Variants in PIEZO2 observed in about 807,000 individuals in gnomAD.
PIEZO2 encodes piezo-type mechanosensitive ion channel component 2.
A neutral mutation model predicts 337.3 loss-of-function variants in PIEZO2; 172 were observed. The ratio of observed to expected loss-of-function variants is 0.51; its 90% CI spans 0.45 to 0.58. The LOEUF (loss-of-function observed/expected upper bound fraction) is 0.58. PIEZO2 is among the 20% of genes least tolerant of loss of function. The pLI is 0.00. For missense variants in PIEZO2, 3,028 were observed against 3,391.3 expected, an observed-to-expected ratio of 0.89 and a Z score of 2.66; for synonymous variants, 1,251 against 1,228.5, an observed-to-expected ratio of 1.02 and a Z score of -0.38.
chr18:10,915,252 G>T (rs1297390861), intron 3 of PIEZO2, among the ~76,000 whole-genome samples: 1 of 136,714 alleles, frequency 7.3e-6, no homozygotes, highest in Non-Finnish European at 1.6e-5. Context: ...CACGTGTGCA[G>T]AGGGAAGCAG....
chr18:11,022,745 T>C (rs1452960914), intron 2 of PIEZO2, among the ~76,000 whole-genome samples: 1 of 152,208 alleles, frequency 6.6e-6, no homozygotes, highest in Non-Finnish European at 1.5e-5. Context: ...TACTATGACC[T>C]TACATGTGCA....
chr18:10,688,310 TCCA>T (rs1289823665), intron 49 of PIEZO2, among the ~76,000 whole-genome samples: 1 of 152,206 alleles, frequency 6.6e-6, no homozygotes, highest in Non-Finnish European at 1.5e-5. Flanking sequence ...TCCACCTTCA[TCCA>T]TGTATCTGCA....
Position 11,048,082 on chromosome 18 carries a change from G to A in PIEZO2, c.160+18045C>T, listed in dbSNP as rs2037383497. 6.6e-6 allele frequency among the ~76,000 whole-genome samples: 1 copy of A among 152,156 alleles called. No individual in the cohort carries two copies. ...CTGGGTGTAGACAGTCAAGAGCACAGCGGCAGCCACTGCCACCAACAGCAT... is the reference window on the plus strand; with the variant it reads ...CTGGGTGTAGACAGTCAAGAGCACAACGGCAGCCACTGCCACCAACAGCAT... On this transcript the variant is annotated intron_variant, in intron 2 of 55. Transcript: ENST00000674853. This position sits in a 1 kb window ranked among gnomAD's most constrained non-coding sequence, Gnocchi z 4.5.
At chr18:11,117,605 T>A (rs1368304599) in intron 1 of PIEZO2, among the ~76,000 whole-genome samples, 3 of 152,236 alleles carry the variant, frequency 2.0e-5, no homozygotes, top group Non-Finnish European at 2.9e-5. Context: ...CCTACATCAG[T>A]AAATCCTAGT....
intron 3 of PIEZO2, among the ~76,000 whole-genome samples, chr18:10,975,100 T>C (rs1003184812): frequency 2.0e-5 from 3 of 152,198 alleles, no homozygotes; most frequent in African/African-American, 7.2e-5. Flanking sequence ...AGGAATAGAA[T>C]AATCCCTAGG....
intron 1 of PIEZO2, among the ~76,000 whole-genome samples, chr18:11,130,938 C>T (rs1160619969): frequency 1.3e-5 from 2 of 152,230 alleles, no homozygotes; most frequent in Non-Finnish European, 1.5e-5. Context: ...TGCTCTGCCA[C>T]ATGGACCATA....
chr18:10,713,008 A>G lies in PIEZO2; in HGVS notation c.5423+1756T>C, dbSNP rs1162217316. ...AAAGAAAAATATAGTCTCTTTTATT[A>G]TCCCTCAAAAGACTTTAAAAGAATC... On this transcript the variant is annotated intron_variant, in intron 39 of 55. Coordinates refer to ENST00000674853, the MANE Select transcript of PIEZO2 (RefSeq NM_001378183.1). This position sits in a 1 kb window ranked among gnomAD's most constrained non-coding sequence, Gnocchi z 4.5. Among the ~76,000 whole-genome samples the G allele has an allele frequency of 1.3e-5, 2 of 152,208 alleles. No homozygotes were observed. The highest frequency in any genetic ancestry group is 3.2e-3 in the Middle Eastern group (1 of 316).
intron 35 of PIEZO2, among the ~76,000 whole-genome samples, chr18:10,734,814 C>T (rs7232834): frequency 0.33 from 49,374 of 151,890 alleles, 8,821 homozygotes; most frequent in East Asian, 0.53. Context: ...GAATGAGAGA[C>T]GGAGTAAAAG....
chr18:10,995,196 T>C (rs941208750), intron 2 of PIEZO2, among the ~76,000 whole-genome samples: 1 of 152,032 alleles, frequency 6.6e-6, no homozygotes, highest in African/African-American at 2.4e-5. Context: ...TATCAAATTG[T>C]GATTTTGATT....
In PIEZO2 at chr18:10,878,761, C is replaced by G. The variant is rs2042332770; in HGVS notation, c.330-7346G>C. Among the ~76,000 whole-genome samples, 1 of 149,210 alleles carries G rather than the reference C, an allele frequency of 6.7e-6. No homozygotes were observed. The highest frequency in any genetic ancestry group is 6.6e-5 in the Admixed American group (1 of 15,076). ...TCAGAAACACAGGGTAAGGTCAGACCATACAAAGCTTGGATGTTTTGAAAA... is the reference window on the plus strand; with the variant it reads ...TCAGAAACACAGGGTAAGGTCAGACGATACAAAGCTTGGATGTTTTGAAAA... On this transcript the variant is annotated intron_variant, in intron 4 of 55. Transcript: ENST00000674853. This position sits in a 1 kb window ranked among gnomAD's most constrained non-coding sequence, Gnocchi z 4.3.
chr18:10,906,206 C>A (rs1198076713), intron 4 of PIEZO2, among the ~76,000 whole-genome samples: 2 of 152,080 alleles, frequency 1.3e-5, no homozygotes, highest in Admixed American at 6.6e-5. Context: ...TTAAAATGTT[C>A]TTTGAAGGAG....
At chr18:11,136,696 C>T (rs2040498766) in intron 1 of PIEZO2, among the ~76,000 whole-genome samples, 2 of 152,196 alleles carry the variant, frequency 1.3e-5, no homozygotes, top group Admixed American at 1.3e-4. Flanking sequence ...ACCCCCACAG[C>T]TAATGCTGGA....
intron 4 of PIEZO2, among the ~76,000 whole-genome samples, chr18:10,885,899 G>A (rs2042566326): frequency 6.6e-6 from 1 of 151,980 alleles, no homozygotes; most frequent in Non-Finnish European, 1.5e-5. Flanking sequence ...CTGTGGGCGT[G>A]GATTAAAAAT....
At chr18:11,007,542 G>GA (rs1286317922) in intron 2 of PIEZO2, among the ~76,000 whole-genome samples, 7 of 151,932 alleles carry the variant, frequency 4.6e-5, no homozygotes, top group South Asian at 2.1e-4. Context: ...TAAGCACAAA[G>GA]AAAAAAATCA....
At position 10,871,306 on chromosome 18, in the gene PIEZO2, G is replaced by T. The variant is rs1285330647; in HGVS notation, c.439C>A (p.Pro147Thr). The change falls in exon 5 of 56, where the codon CCT becomes ACT. Residue 147 changes from proline (P) to threonine (T), a missense_variant. Physicochemically the swap from Pro to Thr is conservative, Grantham distance 38 (BLOSUM62 -1). Transcript: ENST00000674853. ...CTCTGTGCTGCTTCGTCTGTCACAG[G>T]TTTCTGAACAATGTTTCTACAGAGG... ...WLLCRNIVQK[P>T]VTDEAAQSNP... 2.9e-5 allele frequency: 44 copies of T among 1,537,060 alleles called. No individual in the cohort carries two copies. The highest frequency in any genetic ancestry group is 1.7e-4 in the Middle Eastern group (1 of 6,010).
At position 10,795,314 on chromosome 18, in the gene PIEZO2, ATATTT is replaced by A. The variant is rs1555648360; in HGVS notation, c.1528-317_1528-313del. On this transcript the variant is annotated intron_variant, in intron 12 of 55. Coordinates refer to ENST00000674853, the MANE Select transcript of PIEZO2 (RefSeq NM_001378183.1). This position sits in a 1 kb window ranked among gnomAD's most constrained non-coding sequence, Gnocchi z 4.4. ...GTTAAGTAGCAAAATGTGTATTCAA[ATATTT>A]TATTTTATTTTATTTTATTTTATTT... Among the ~76,000 whole-genome samples the A allele has an allele frequency of 1.2e-3, 106 of 88,506 alleles. 3 individuals are homozygous for A. Among genetic ancestry groups the A allele is most frequent in the South Asian group, 7.1e-3 (19 of 2,672 alleles). The allele number at this position is 88,506 out of a possible 152,430, so 58.1% of individuals were successfully genotyped here.
At chr18:10,957,059 A>T (rs2033567867) in intron 3 of PIEZO2, among the ~76,000 whole-genome samples, 1 of 152,022 alleles carries the variant, frequency 6.6e-6, no homozygotes, top group African/African-American at 2.4e-5. Flanking sequence ...GATTTTCAAC[A>T]AAGGTGTCAA....
intron 4 of PIEZO2, among the ~76,000 whole-genome samples, chr18:10,905,997 A>C (rs902884565): frequency 3.9e-5 from 6 of 152,154 alleles, no homozygotes; most frequent in African/African-American, 1.4e-4. Context: ...AATAATATCT[A>C]AAACTTGGGA....
chr18:10,987,448 ACT>A (rs2034918345), intron 2 of PIEZO2, among the ~76,000 whole-genome samples: 1 of 152,128 alleles, frequency 6.6e-6, no homozygotes, highest in South Asian at 2.1e-4. Flanking sequence ...TCTTAAGAAT[ACT>A]CAGTGGGGAA....
Sources: allele counts gnomAD v4.1 joint callset (sites outside exome capture counted in the v4.1 genomes callset), GRCh38; gene constraint gnomAD v4.1.1; non-coding constraint Gnocchi (gnomAD v3.1); transcripts MANE v1.5; gene names NCBI Gene and HGNC (gene_info 2026-07-23, HGNC 2026-07-21).